TRIO: variants seen among roughly 807,000 people sequenced by gnomAD.
TRIO encodes trio Rho guanine nucleotide exchange factor.
In TRIO, 58 loss-of-function variants were observed where a neutral mutation model predicts 351.9. That is an observed-to-expected ratio of 0.16 (90% CI 0.13 to 0.21). The LOEUF is 0.21. Ranked by LOEUF, TRIO falls within the 10% of genes least tolerant of loss-of-function variation. The probability of loss-of-function intolerance (pLI) is 1.00; values close to 1 mark genes in which losing one functional copy is unlikely to be tolerated. For missense variants in TRIO, 3,201 were observed against 4,027.8 expected (o/e 0.79, Z 5.56); for synonymous variants, 1,758 against 1,595.7 (o/e 1.10, Z -2.42).
chr5:14,407,900 A>G (rs969429320), intron 33 of TRIO, among the ~76,000 whole-genome samples: 4 of 152,238 alleles, frequency 2.6e-5, no homozygotes, highest in African/African-American at 9.6e-5. Context: ...TTACATTACT[A>G]GAATGCTAGA....
At chr5:14,407,141 CAG>C (rs1748799751) in intron 33 of TRIO, among the ~76,000 whole-genome samples, 1 of 152,046 alleles carries the variant, frequency 6.6e-6, no homozygotes, top group Non-Finnish European at 1.5e-5. Flanking sequence ...CCCTGGAGGA[CAG>C]GGAGCATGTG....
At chr5:14,241,556 TA>T (rs1794129632) in intron 1 of TRIO, among the ~76,000 whole-genome samples, 1 of 152,222 alleles carries the variant, frequency 6.6e-6, no homozygotes, top group South Asian at 2.1e-4. Context: ...ACCCTTTATT[TA>T]ATTGAAACTT....
chr5:14,485,629 T>C (rs530020191), intron 47 of TRIO, among the ~76,000 whole-genome samples: 1 of 152,046 alleles, frequency 6.6e-6, no homozygotes, highest in Non-Finnish European at 1.5e-5. Context: ...GAACACGAGA[T>C]GGCATTGGCC....
intron 34 of TRIO, among the ~76,000 whole-genome samples, chr5:14,421,204 T>A (rs1455438064): frequency 5.5e-5 from 8 of 144,412 alleles, no homozygotes; most frequent in African/African-American, 2.3e-4. Flanking sequence ...TTTTTCTTTT[T>A]TCCCTTATTT....
chr5:14,245,796 A>C (rs1017336807), intron 1 of TRIO, among the ~76,000 whole-genome samples: 1 of 152,266 alleles, frequency 6.6e-6, no homozygotes, highest in Non-Finnish European at 1.5e-5. Flanking sequence ...ATAGCTGGTG[A>C]CCCTGGTGTG....
Position 14,276,048 on chromosome 5 carries a change from TG to T in TRIO, c.233-4273del, listed in dbSNP as rs771204812. ...AGTCAGATGCCCATTGATGGACATT[TG>T]TTTTTTTTTTTTCTTTTAGAATAGC... On this transcript the variant is annotated intron_variant, in intron 2 of 56. Coordinates refer to ENST00000344204, the MANE Select transcript of TRIO (RefSeq NM_007118.4). Among the ~76,000 whole-genome samples the T allele has an allele frequency of 1.8e-3, 195 of 108,846 alleles. 2 individuals carry two copies. Among genetic ancestry groups the T allele is most frequent in the Non-Finnish European group, 1.4e-3 (63 of 46,380 alleles). The allele number at this position is 108,846 out of a possible 152,430, so 71.4% of individuals were successfully genotyped here. A position where few individuals can be genotyped will look rare whatever the true frequency, so the allele number is the denominator to read the frequency against.
At chr5:14,313,651 T>C (rs1378379954) in intron 8 of TRIO, among the ~76,000 whole-genome samples, 1 of 152,184 alleles carries the variant, frequency 6.6e-6, no homozygotes, top group Admixed American at 6.5e-5. Flanking sequence ...AGTAAGAGGA[T>C]CTGTGGATCC....
intron 1 of TRIO, among the ~76,000 whole-genome samples, chr5:14,247,338 T>C (rs185457176): frequency 2.6e-5 from 4 of 152,386 alleles, no homozygotes; most frequent in Admixed American, 2.0e-4. Flanking sequence ...TAGCCTGAAC[T>C]ATGAAACATG....
At chr5:14,425,992 G>A (rs1243702390) in intron 34 of TRIO, among the ~76,000 whole-genome samples, 1 of 152,156 alleles carries the variant, frequency 6.6e-6, no homozygotes, top group Non-Finnish European at 1.5e-5. Flanking sequence ...TGCCCACTCA[G>A]TTTTGTTAAC....
intron 27 of TRIO, among the ~76,000 whole-genome samples, chr5:14,391,526 C>T (rs1292627182): frequency 6.6e-6 from 1 of 152,156 alleles, no homozygotes; most frequent in Non-Finnish European, 1.5e-5. Context: ...TTGGAGTAAA[C>T]GTAGATACAG....
At chr5:14,499,692 A>G (rs1490939145) in intron 53 of TRIO, among the ~76,000 whole-genome samples, 1 of 152,210 alleles carries the variant, frequency 6.6e-6, no homozygotes, top group African/African-American at 2.4e-5. Context: ...ATTTGTAAAT[A>G]ACACAGAAAT....
intron 20 of TRIO, among the ~76,000 whole-genome samples, chr5:14,379,360 G>C (rs1452946703): frequency 6.6e-6 from 1 of 152,198 alleles, no homozygotes; most frequent in African/African-American, 2.4e-5. Flanking sequence ...TTAAGGAACA[G>C]CTCTTGTTCC....
At chr5:14,203,551 G>C (rs1404620718) in intron 1 of TRIO, among the ~76,000 whole-genome samples, 2 of 152,202 alleles carry the variant, frequency 1.3e-5, no homozygotes, top group African/African-American at 4.8e-5. Flanking sequence ...ATGTTCACCT[G>C]TGAGTTTTAT....
chr5:14,367,714 C>T (rs1470128802), intron 16 of TRIO, among the ~76,000 whole-genome samples: 1 of 152,238 alleles, frequency 6.6e-6, no homozygotes, highest in Non-Finnish European at 1.5e-5. Flanking sequence ...ATCTCCTGCT[C>T]TGCTCACATA....
At chr5:14,502,747 T>C (rs1348174344) in intron 54 of TRIO, 90 bp downstream of exon 54, 13 of 1,275,646 alleles carry the variant, frequency 1.0e-5, no homozygotes, top group Non-Finnish European at 1.5e-5. Flanking sequence ...AGCAGTGTTA[T>C]CTTGCCAGCA....
At chr5:14,266,126 T>G (rs955614945) in intron 1 of TRIO, among the ~76,000 whole-genome samples, 1 of 152,122 alleles carries the variant, frequency 6.6e-6, no homozygotes, top group African/African-American at 2.4e-5. Context: ...TGGCATGATC[T>G]CGGCTCACTG....
In TRIO at chr5:14,508,002, C is replaced by T. The variant is rs572269818; in HGVS notation, c.8874C>T (p.Phe2958=). 39 of 1,614,224 alleles carry T rather than the reference C, an allele frequency of 2.4e-5. No individual in the cohort carries two copies. The highest frequency in any genetic ancestry group is 3.3e-4 in the Middle Eastern group (2 of 6,062). Residue 2958 remains phenylalanine (F), a synonymous_variant, in exon 57 of 57, where the codon TTC becomes TTT. Transcript: ENST00000344204. ...YIHQLLGNPE[F]AAPEIILGNP... ...ACCAGTTACTGGGGAACCCTGAATT[C>T]GCAGCCCCTGAAATCATCCTCGGGA... is the stretch of plus-strand genomic sequence containing the variant.
At chr5:14,483,661 G>A (rs966962064) in intron 46 of TRIO, among the ~76,000 whole-genome samples, 9 of 152,178 alleles carry the variant, frequency 5.9e-5, no homozygotes, top group Non-Finnish European at 1.3e-4. Context: ...GGGGGCCTCT[G>A]CCCACCAGCA....
chr5:14,211,975 A>C, intron 1 of TRIO, among the ~76,000 whole-genome samples: 1 of 151,584 alleles, frequency 6.6e-6, no homozygotes, highest in South Asian at 2.1e-4. Context: ...AAAAAAACAA[A>C]AACAAACAAA....
Sources: allele counts gnomAD v4.1 joint callset (sites outside exome capture counted in the v4.1 genomes callset), GRCh38; gene constraint gnomAD v4.1.1; transcripts MANE v1.5; gene names NCBI Gene and HGNC (gene_info 2026-07-23, HGNC 2026-07-21).